Variants in TSNARE1 observed in about 807,000 individuals in gnomAD.
TSNARE1 encodes t-SNARE domain-containing protein 1.
Under a neutral mutation model 62.0 loss-of-function variants are expected in TSNARE1, and 49 were observed. The observed-to-expected ratio is 0.79, with a 90% CI of 0.63 to 1.00. The LOEUF is 1.00. TSNARE1 is among the 50% of genes least tolerant of loss of function. The probability of loss-of-function intolerance (pLI) is 0.00; values close to 1 mark genes in which losing one functional copy is unlikely to be tolerated. For synonymous variants in TSNARE1, 328 were observed against 294.4 expected, an observed-to-expected ratio of 1.11 and a Z score of -1.17; for missense variants, 755 against 700.1, an observed-to-expected ratio of 1.08 and a Z score of -0.88.
At chr8:142,215,705 G>T (rs915733016) in intron 13 of TSNARE1, among the ~76,000 whole-genome samples, 1 of 152,200 alleles carries the variant, frequency 6.6e-6, no homozygotes, top group Non-Finnish European at 1.5e-5. Flanking sequence ...TGGGAGGGAA[G>T]TCCCTGCCCC....
chr8:142,358,504 G>A (rs1834919713), intron 1 of TSNARE1, among the ~76,000 whole-genome samples: 1 of 152,072 alleles, frequency 6.6e-6, no homozygotes, highest in African/African-American at 2.4e-5. Context: ...ACATGGAGGG[G>A]AGTGAAGATT....
At chr8:142,258,477 CTTTT>C (rs56675860) in intron 12 of TSNARE1, among the ~76,000 whole-genome samples, 292 of 107,228 alleles carry the variant, frequency 2.7e-3, no homozygotes, top group African/African-American at 8.6e-3. Context: ...AGAACTTGTG[CTTTT>C]TTTTTTTTTT....
In TSNARE1 at chr8:142,287,892, G is replaced by A. The variant is rs1823030573; in HGVS notation, c.1291-3407C>T. Among the ~76,000 whole-genome samples the A allele has an allele frequency of 2.0e-5, 3 of 152,242 alleles. No individual in the cohort carries two copies. In the South Asian group the frequency reaches 6.2e-4, roughly 32 times the overall value. On this transcript the variant is annotated intron_variant, in intron 10 of 13. Coordinates refer to ENST00000524325, the MANE Select transcript of TSNARE1 (RefSeq NM_145003.5). ...ACCCAGGACCTCGGCCAGATCTCAG[G>A]GACAGTGGGCCGCCCTCCAGGTCGT...
In TSNARE1 at chr8:142,322,919, G is replaced by A. The variant is rs546824000; in HGVS notation, c.894-4285C>T. The stretch of plus-strand genomic sequence containing the variant: ...GCCTGGACGTGTCCATGGGCTGGAT[G>A]ATATTGTTATGAAAGGCCGGCCTTA... On this transcript the variant is annotated intron_variant, in intron 6 of 13. Coordinates refer to ENST00000524325, the MANE Select transcript of TSNARE1 (RefSeq NM_145003.5). Among the ~76,000 whole-genome samples the A allele has an allele frequency of 3.3e-5, 5 of 152,026 alleles. No individual in the cohort carries two copies. In the South Asian group the frequency reaches 1.0e-3, roughly 32 times the overall value.
chr8:142,329,174 CT>C (rs1830669114), intron 6 of TSNARE1, among the ~76,000 whole-genome samples: 1 of 152,202 alleles, frequency 6.6e-6, no homozygotes, highest in African/African-American at 2.4e-5. Flanking sequence ...ACAGAAGGCT[CT>C]AGATAAGCCA....
chr8:142,247,161 C>T (rs965046182), intron 12 of TSNARE1, among the ~76,000 whole-genome samples: 2 of 152,166 alleles, frequency 1.3e-5, no homozygotes, highest in African/African-American at 2.4e-5. Flanking sequence ...GGGTGCCCAC[C>T]GCCGAGACTC....
rs865894095 is a variant in TSNARE1, at chr8:142,222,559, C to T, written c.*11+6914G>A. 3.7e-4 allele frequency among the ~76,000 whole-genome samples: 47 copies of T among 127,356 alleles called. 1 individual carries two copies. The highest frequency in any genetic ancestry group is 8.4e-4 in the African/African-American group (25 of 29,898). 83.6% of individuals were successfully genotyped at this position (127,356 alleles called of 152,430 possible). A position where few individuals can be genotyped will look rare whatever the true frequency, so the allele number is the denominator to read the frequency against. ...ACTCACTCATTCACTCACTCACTCA[C>T]TCATTCACTCACTCAGCCACTCATT... On this transcript the variant is annotated intron_variant, in intron 13 of 13. Transcript: ENST00000524325.
At chr8:142,268,105 C>T (rs1371404298) in intron 12 of TSNARE1, among the ~76,000 whole-genome samples, 1 of 152,218 alleles carries the variant, frequency 6.6e-6, no homozygotes, top group African/African-American at 2.4e-5. Context: ...CAGAAACACC[C>T]TTGCCCTCAG....
At chr8:142,368,026 G>A (rs1026906708) in intron 1 of TSNARE1, among the ~76,000 whole-genome samples, 13 of 151,910 alleles carry the variant, frequency 8.6e-5, no homozygotes, top group Admixed American at 3.9e-4. Flanking sequence ...GTAGGGAAAA[G>A]TTTCCCAAGC....
At chr8:142,285,380 ATGGGTGAATGGATGGATGGGTGGGTGGG>A (rs1822542550) in intron 10 of TSNARE1, among the ~76,000 whole-genome samples, 3 of 119,572 alleles carry the variant, frequency 2.5e-5, no homozygotes, top group Non-Finnish European at 3.5e-5. Context: ...AGATGTATGG[ATGGGTGAATGGATGGATGGGTGGGTGGG>A]TGGATGGATG....
intron 11 of TSNARE1, chr8:142,277,625 T>C: frequency 1.0e-6 from 1 of 985,372 alleles, no homozygotes; most frequent in Non-Finnish European, 1.2e-6. Flanking sequence ...TCCTAAGCAC[T>C]CTCGCTTGGG....
chr8:142,251,100 G>A (rs980829375), intron 12 of TSNARE1, among the ~76,000 whole-genome samples: 3 of 152,174 alleles, frequency 2.0e-5, no homozygotes, highest in Non-Finnish European at 2.9e-5. Flanking sequence ...TTTAAAAGAC[G>A]AAAATGCTGA....
In TSNARE1 at chr8:142,265,634, TAGTA is replaced by T. The variant is rs1178503008; in HGVS notation, c.1446+9143_1446+9146del. On this transcript the variant is annotated intron_variant, in intron 12 of 13. Coordinates refer to ENST00000524325, the MANE Select transcript of TSNARE1 (RefSeq NM_145003.5). ...CCAGGAGTGAAACTGTTGTGTTGTATAGTAAGTGTTATGTTTACATGTTGAAGAA... is the reference window on the plus strand; with the variant it reads ...CCAGGAGTGAAACTGTTGTGTTGTATAGTGTTATGTTTACATGTTGAAGAA... Among the ~76,000 whole-genome samples the T allele has an allele frequency of 5.3e-5, 8 of 152,240 alleles. No individual in the cohort carries two copies. The East Asian group carries it at 5.8e-4, about 11-fold the overall frequency.
chr8:142,273,418 C>T (rs1381742613), intron 12 of TSNARE1: 4 of 985,446 alleles, frequency 4.1e-6, no homozygotes, highest in Non-Finnish European at 4.8e-6. Flanking sequence ...CCTGGAGGCC[C>T]CTGGGCCTAG....
chr8:142,253,321 G>T (rs1221443332), intron 12 of TSNARE1, among the ~76,000 whole-genome samples: 1 of 152,212 alleles, frequency 6.6e-6, no homozygotes, highest in Non-Finnish European at 1.5e-5. Context: ...CGTGCGTGCC[G>T]CGTCTGCACA....
chr8:142,296,512 T>G (rs1229081133), intron 10 of TSNARE1, among the ~76,000 whole-genome samples: 2 of 151,712 alleles, frequency 1.3e-5, no homozygotes, highest in Non-Finnish European at 2.9e-5. Flanking sequence ...ACTGGCCAGT[T>G]TGACACGTCG....
intron 12 of TSNARE1, among the ~76,000 whole-genome samples, chr8:142,235,846 G>A (rs1472635024): frequency 2.0e-5 from 3 of 152,182 alleles, no homozygotes; most frequent in African/African-American, 7.2e-5. Flanking sequence ...GGGCACGGGA[G>A]TCCTGTCTTT....
intron 9 of TSNARE1, among the ~76,000 whole-genome samples, chr8:142,306,507 C>A (rs1487522714): frequency 2.0e-5 from 3 of 152,242 alleles, no homozygotes; most frequent in Non-Finnish European, 4.4e-5. Context: ...ACCCTCGACC[C>A]AGCTGAAAAC....
chr8:142,290,266 A>T (rs1397450526), intron 10 of TSNARE1, among the ~76,000 whole-genome samples: 1 of 152,002 alleles, frequency 6.6e-6, no homozygotes, highest in Non-Finnish European at 1.5e-5. Flanking sequence ...CCTCCAGGGC[A>T]GCAGCAGTTC....
Sources: gnomAD v4.1 joint callset for allele counts (sites outside exome capture counted in the v4.1 genomes callset) on GRCh38, gnomAD v4.1.1 for gene constraint, MANE v1.5 for transcripts, NCBI Gene and HGNC (gene_info 2026-07-23, HGNC 2026-07-21) for gene names.